The following GPC5 variants were observed in gnomAD, a reference collection of about 807,000 sequenced individuals.
GPC5 encodes the protein glypican 5.
Under a neutral mutation model 53.9 loss-of-function variants are expected in GPC5, and 47 were observed. That is an observed-to-expected ratio of 0.87 (90% CI 0.69 to 1.11). The LOEUF is 1.11. Ranked by LOEUF, GPC5 falls within the 50% of genes most tolerant of loss-of-function variation. The probability of loss-of-function intolerance (pLI) is 0.00; values close to 1 mark genes in which losing one functional copy is unlikely to be tolerated. For missense variants in GPC5, 748 were observed against 713.1 expected, an observed-to-expected ratio of 1.05 and a Z score of -0.56; for synonymous variants, 286 against 263.3, an observed-to-expected ratio of 1.09 and a Z score of -0.84.
chr13:91,475,248 C>G (rs1409435760), intron 2 of GPC5, among the ~76,000 whole-genome samples: 1 of 152,070 alleles, frequency 6.6e-6, no homozygotes. Context: ...ACCCATCTTC[C>G]ATTGGAAATA....
chr13:91,509,439 T>C (rs1313464146), intron 2 of GPC5, among the ~76,000 whole-genome samples: 1 of 143,314 alleles, frequency 7.0e-6, no homozygotes, highest in South Asian at 2.3e-4. Flanking sequence ...AATAGTGAGA[T>C]AGTCATATTT....
intron 6 of GPC5, among the ~76,000 whole-genome samples, chr13:91,941,660 T>A (rs1053648518): frequency 3.3e-5 from 5 of 152,146 alleles, no homozygotes; most frequent in African/African-American, 9.6e-5. Context: ...AGAGGGATCA[T>A]GTTTTAGCCA....
intron 6 of GPC5, among the ~76,000 whole-genome samples, chr13:92,021,191 C>G (rs1242760650): frequency 6.6e-6 from 1 of 152,002 alleles, no homozygotes; most frequent in Non-Finnish European, 1.5e-5. Context: ...GAGATATTAC[C>G]AGCATTGTTC....
chr13:91,704,498 C>G (rs966119202), intron 3 of GPC5, among the ~76,000 whole-genome samples: 1 of 152,222 alleles, frequency 6.6e-6, no homozygotes, highest in South Asian at 2.1e-4. Flanking sequence ...GTATTACATA[C>G]AGCATCATGG....
chr13:92,795,243 C>T (rs550682591), intron 7 of GPC5, among the ~76,000 whole-genome samples: 2 of 152,150 alleles, frequency 1.3e-5, no homozygotes, highest in South Asian at 2.1e-4. Context: ...CATCTACAAC[C>T]ATCTGGTCTT....
chr13:92,354,708 C>T (rs575898427), intron 7 of GPC5, among the ~76,000 whole-genome samples: 1 of 152,170 alleles, frequency 6.6e-6, no homozygotes, highest in South Asian at 2.1e-4. Context: ...GAATCATAAC[C>T]GATGAGATGG....
intron 5 of GPC5, among the ~76,000 whole-genome samples, chr13:91,786,745 G>A (rs1384665009): frequency 6.6e-6 from 1 of 151,978 alleles, no homozygotes; most frequent in Non-Finnish European, 1.5e-5. Context: ...TGTGAATTCA[G>A]GATTGAAGTT....
intron 6 of GPC5, among the ~76,000 whole-genome samples, chr13:91,932,793 C>T (rs2039833969): frequency 6.6e-6 from 1 of 151,856 alleles, no homozygotes; most frequent in Non-Finnish European, 1.5e-5. Flanking sequence ...TCTCCTTTTT[C>T]CAATTGATGG....
intron 7 of GPC5, among the ~76,000 whole-genome samples, chr13:92,229,788 A>C (rs1435394481): frequency 6.6e-6 from 1 of 152,108 alleles, no homozygotes; most frequent in Non-Finnish European, 1.5e-5. Context: ...TGGCATAAAT[A>C]GTAGAGATAT....
At chr13:91,792,557 G>A (rs986338589) in intron 5 of GPC5, among the ~76,000 whole-genome samples, 2 of 152,288 alleles carry the variant, frequency 1.3e-5, no homozygotes, top group African/African-American at 4.8e-5. Context: ...GAGTGAAATA[G>A]TATCATTTGT....
chr13:91,576,339 T>TATATA (rs1555326493), intron 2 of GPC5, among the ~76,000 whole-genome samples: 2 of 142,670 alleles, frequency 1.4e-5, no homozygotes, highest in Non-Finnish European at 3.2e-5. Context: ...ATATATATAT[T>TATATA]GAAATCTGTT....
chr13:92,525,434 T>A (rs1881234213), intron 7 of GPC5, among the ~76,000 whole-genome samples: 1 of 64,764 alleles, frequency 1.5e-5, no homozygotes, highest in Non-Finnish European at 3.5e-5. Flanking sequence ...GTAGATAGAT[T>A]CAAGTGTGTG....
intron 2 of GPC5, among the ~76,000 whole-genome samples, chr13:91,492,984 G>A (rs1394200315): frequency 8.4e-6 from 1 of 119,396 alleles, no homozygotes; most frequent in Non-Finnish European, 2.0e-5. Flanking sequence ...ACAATTCCTT[G>A]ACCTCATTGA....
At chr13:92,177,263 A>G (rs2139030493) in intron 7 of GPC5, among the ~76,000 whole-genome samples, 1 of 152,272 alleles carries the variant, frequency 6.6e-6, no homozygotes, top group South Asian at 2.1e-4. Flanking sequence ...CAACCTGAGC[A>G]TCTTCCCCTT....
intron 5 of GPC5, among the ~76,000 whole-genome samples, chr13:91,850,717 T>C (rs886488479): frequency 4.6e-5 from 7 of 152,214 alleles, no homozygotes; most frequent in East Asian, 1.9e-4. Context: ...TGCTTTTCCT[T>C]TGTGACTTTT....
intron 7 of GPC5, among the ~76,000 whole-genome samples, chr13:92,229,884 A>G (rs2042517453): frequency 6.6e-6 from 1 of 152,120 alleles, no homozygotes; most frequent in Admixed American, 6.5e-5. Flanking sequence ...CTTTTTAAAA[A>G]ATAGTCTCTC....
chr13:91,827,390 A>G (rs2038591863), intron 5 of GPC5, among the ~76,000 whole-genome samples: 4 of 151,962 alleles, frequency 2.6e-5, no homozygotes, highest in Admixed American at 2.6e-4. Context: ...GCACACAGGC[A>G]CGAATTGGAA....
chr13:92,594,397 G>A (rs1883803918), intron 7 of GPC5, among the ~76,000 whole-genome samples: 1 of 152,156 alleles, frequency 6.6e-6, no homozygotes, highest in African/African-American at 2.4e-5. Context: ...TACTGACATG[G>A]AGAGATTTTA....
intron 2 of GPC5, among the ~76,000 whole-genome samples, chr13:91,526,756 G>A: frequency 6.6e-6 from 1 of 152,148 alleles, no homozygotes; most frequent in South Asian, 2.1e-4. Flanking sequence ...GAAGAAAAGA[G>A]ATGTAATTGA....
Sources: allele counts gnomAD v4.1 joint callset (sites outside exome capture counted in the v4.1 genomes callset), GRCh38; gene constraint gnomAD v4.1.1; transcripts MANE v1.5; gene names NCBI Gene and HGNC (gene_info 2026-07-23, HGNC 2026-07-21).